Variants in NAALADL2 observed in about 807,000 individuals in gnomAD.
The protein encoded by NAALADL2 is N-acetylated alpha-linked acidic dipeptidase like 2.
In NAALADL2, 76 loss-of-function variants were observed where a neutral mutation model predicts 87.2. The observed-to-expected ratio is 0.87, with a 90% confidence interval of 0.72 to 1.05. The LOEUF (loss-of-function observed/expected upper bound fraction) is 1.05. Among genes scored for constraint, NAALADL2 ranks in the 50% least tolerant of loss-of-function variants. NAALADL2 has a pLI of 0.00. For synonymous variants in NAALADL2, 354 were observed against 331.0 expected (o/e 1.07, Z -0.75); for missense variants, 1,089 against 945.8 (o/e 1.15, Z -1.99).
chr3:175,192,028 C>T (rs1466117115), intron 2 of NAALADL2, among the ~76,000 whole-genome samples: 1 of 152,032 alleles, frequency 6.6e-6, no homozygotes, highest in Admixed American at 6.5e-5. Flanking sequence ...TGGCAGTTAG[C>T]TATATAATTG....
intron 3 of NAALADL2, among the ~76,000 whole-genome samples, chr3:175,246,831 A>G (rs914722431): frequency 2.0e-5 from 3 of 152,044 alleles, no homozygotes; most frequent in African/African-American, 7.2e-5. Flanking sequence ...AATCTTTACT[A>G]TTGATGATAT....
chr3:175,462,167 A>T (rs1386282382), intron 6 of NAALADL2, among the ~76,000 whole-genome samples: 1 of 152,210 alleles, frequency 6.6e-6, no homozygotes, highest in African/African-American at 2.4e-5. Flanking sequence ...TGTTAATAAT[A>T]GGAGGCTTGG....
intron 5 of NAALADL2, among the ~76,000 whole-genome samples, chr3:175,343,892 GT>G: frequency 6.6e-6 from 1 of 151,786 alleles, no homozygotes; most frequent in Non-Finnish European, 1.5e-5. Context: ...AGTGACCTAT[GT>G]TTTTGTCTGT....
At chr3:174,880,400 A>G (rs1267033296) in intron 1 of NAALADL2, among the ~76,000 whole-genome samples, 2 of 152,170 alleles carry the variant, frequency 1.3e-5, no homozygotes, top group Non-Finnish European at 2.9e-5. Context: ...CCTTCTTTAC[A>G]TTTAGTCCCT....
intron 2 of NAALADL2, among the ~76,000 whole-genome samples, chr3:175,181,697 A>ATG (rs1227841338): frequency 9.3e-6 from 1 of 107,666 alleles, no homozygotes; most frequent in African/African-American, 3.8e-5. Context: ...ATATATATAT[A>ATG]TATATATGTG....
At chr3:175,582,871 G>A (rs2149578791) in intron 10 of NAALADL2, among the ~76,000 whole-genome samples, 1 of 152,280 alleles carries the variant, frequency 6.6e-6, no homozygotes, top group Non-Finnish European at 1.5e-5. Flanking sequence ...AATGGCCAAT[G>A]ATCAAAGATT....
intron 1 of NAALADL2, among the ~76,000 whole-genome samples, chr3:174,941,966 G>A (rs1015478131): frequency 4.2e-4 from 64 of 152,114 alleles, no homozygotes; most frequent in African/African-American, 1.5e-3. Context: ...TTACCACTCT[G>A]TGCCTTTTAA....
At chr3:174,801,004 G>A (rs778886112) in intron 3 of NAALADL2, among the ~76,000 whole-genome samples, 1 of 152,132 alleles carries the variant, frequency 6.6e-6, no homozygotes, top group Admixed American at 6.5e-5. Flanking sequence ...TAACTAACTT[G>A]CTTTTGATTT....
At chr3:174,714,262 T>G (rs1051777894) in intron 2 of NAALADL2, among the ~76,000 whole-genome samples, 3 of 152,206 alleles carry the variant, frequency 2.0e-5, no homozygotes, top group Non-Finnish European at 4.4e-5. Context: ...TCTTTTGGCT[T>G]AGGATTGACT....
chr3:175,103,019 G>T (rs1580457529), intron 2 of NAALADL2, among the ~76,000 whole-genome samples: 2 of 149,916 alleles, frequency 1.3e-5, no homozygotes, highest in East Asian at 4.0e-4. Flanking sequence ...TAAGGCGGGA[G>T]AATTGCTTGA....
At chr3:175,056,912 A>C (rs1359187938) in intron 1 of NAALADL2, among the ~76,000 whole-genome samples, 1 of 152,130 alleles carries the variant, frequency 6.6e-6, no homozygotes, top group African/African-American at 2.4e-5. Context: ...CAACCTTCCA[A>C]TGTGGGCATC....
At chr3:175,406,722 C>G in intron 5 of NAALADL2, among the ~76,000 whole-genome samples, 1 of 152,030 alleles carries the variant, frequency 6.6e-6, no homozygotes, top group East Asian at 1.9e-4. Flanking sequence ...TTGTGTGCCT[C>G]TTTGTCTTTT....
At chr3:174,995,983 G>A (rs1159145281) in intron 1 of NAALADL2, among the ~76,000 whole-genome samples, 1 of 152,080 alleles carries the variant, frequency 6.6e-6, no homozygotes, top group Non-Finnish European at 1.5e-5. Flanking sequence ...AGGAAATCAG[G>A]GAAAGAGGAA....
intron 3 of NAALADL2, among the ~76,000 whole-genome samples, chr3:174,741,270 A>G (rs1560186398): frequency 6.6e-6 from 1 of 151,672 alleles, no homozygotes; most frequent in Non-Finnish European, 1.5e-5. Flanking sequence ...TACCTAAATA[A>G]TGTTTTCTGA....
At chr3:175,281,541 A>G (rs1754311618) in intron 4 of NAALADL2, among the ~76,000 whole-genome samples, 1 of 151,996 alleles carries the variant, frequency 6.6e-6, no homozygotes, top group Admixed American at 6.6e-5. Flanking sequence ...AAGACAGTAT[A>G]TATACATGCT....
intron 10 of NAALADL2, among the ~76,000 whole-genome samples, chr3:175,586,930 C>A (rs1274939085): frequency 6.6e-6 from 1 of 152,182 alleles, no homozygotes; most frequent in Non-Finnish European, 1.5e-5. Context: ...TTGTCTCCCA[C>A]TACTAGGCAA....
At chr3:175,492,854 G>C (rs1028497080) in intron 9 of NAALADL2, among the ~76,000 whole-genome samples, 1 of 151,868 alleles carries the variant, frequency 6.6e-6, no homozygotes, top group African/African-American at 2.4e-5. Flanking sequence ...TCATAACTAC[G>C]TGACTGATAT....
chr3:174,695,595 A>G (rs1213029704), intron 2 of NAALADL2, among the ~76,000 whole-genome samples: 1 of 152,096 alleles, frequency 6.6e-6, no homozygotes, highest in Non-Finnish European at 1.5e-5. Flanking sequence ...AGAAATACAT[A>G]AGCTTATATT....
chr3:175,434,560 CTGTT>C (rs1363783907), intron 5 of NAALADL2, among the ~76,000 whole-genome samples: 2 of 151,990 alleles, frequency 1.3e-5, no homozygotes, highest in African/African-American at 4.8e-5. Flanking sequence ...GAGCTTCTGT[CTGTT>C]CATTTAATCA....
Sources: allele counts gnomAD v4.1 joint callset (sites outside exome capture counted in the v4.1 genomes callset), GRCh38; gene constraint gnomAD v4.1.1; transcripts MANE v1.5; gene names NCBI Gene and HGNC (gene_info 2026-07-23, HGNC 2026-07-21).